STXBP5L: variants seen among roughly 807,000 people sequenced by gnomAD.
STXBP5L encodes syntaxin-binding protein 5-like.
Under a neutral mutation model 144.5 loss-of-function variants are expected in STXBP5L, and 65 were observed. That is an observed-to-expected ratio of 0.45 (90% CI 0.37 to 0.55). The LOEUF is 0.55. Ranked by LOEUF, STXBP5L falls within the 20% of genes least tolerant of loss-of-function variation. The probability of loss-of-function intolerance (pLI) is 0.00; values close to 1 mark genes in which losing one functional copy is unlikely to be tolerated. For missense variants in STXBP5L, 1,298 were observed against 1,405.5 expected (o/e 0.92, Z 1.22); for synonymous variants, 505 against 469.6 (o/e 1.08, Z -0.97).
chr3:120,992,997 C>G (rs1421875879), intron 3 of STXBP5L, among the ~76,000 whole-genome samples: 2 of 152,074 alleles, frequency 1.3e-5, no homozygotes, highest in Non-Finnish European at 1.5e-5. Context: ...GACATTTTAA[C>G]TGGAGTAAGA....
At chr3:121,312,714 C>T (rs957386115) in intron 19 of STXBP5L, among the ~76,000 whole-genome samples, 23 of 151,512 alleles carry the variant, frequency 1.5e-4, no homozygotes, top group Middle Eastern at 3.4e-3. Context: ...CATCTTGCAC[C>T]GCCCTTAATC....
At chr3:121,241,011 A>G (rs923393488) in intron 14 of STXBP5L, among the ~76,000 whole-genome samples, 9 of 152,338 alleles carry the variant, frequency 5.9e-5, no homozygotes, top group African/African-American at 2.2e-4. Context: ...GGGATCTGCT[A>G]ATGGGAAGAT....
intron 3 of STXBP5L, among the ~76,000 whole-genome samples, chr3:121,004,683 G>T (rs1026986828): frequency 1.3e-5 from 2 of 152,208 alleles, no homozygotes; most frequent in African/African-American, 4.8e-5. Flanking sequence ...TATTGGCTGT[G>T]GGTTTGTCAT....
At chr3:121,147,698 T>C (rs899784013) in intron 7 of STXBP5L, among the ~76,000 whole-genome samples, 3 of 152,128 alleles carry the variant, frequency 2.0e-5, no homozygotes, top group African/African-American at 7.2e-5. Flanking sequence ...TAGGTGAGGA[T>C]GTTTTGGTTG....
chr3:121,258,988 A>G, intron 17 of STXBP5L, 55 bp from the exon 18 acceptor site: 1 of 1,468,244 alleles, frequency 6.8e-7, no homozygotes. Flanking sequence ...TCTCAAGATA[A>G]GTTTGACCAT....
intron 9 of STXBP5L, among the ~76,000 whole-genome samples, chr3:121,171,645 A>T (rs561071605): frequency 3.6e-4 from 55 of 152,326 alleles, no homozygotes; most frequent in Non-Finnish European, 6.5e-4. Flanking sequence ...CTTACAAGGG[A>T]TGTGTAAGAC....
At chr3:121,418,266 G>A in intron 25 of STXBP5L, 71 bp from the exon 26 acceptor site, 1 of 1,484,074 alleles carries the variant, frequency 6.7e-7, no homozygotes, top group Non-Finnish European at 9.1e-7. Context: ...CTAGTACTTT[G>A]TCTTGGTGAC....
At chr3:121,060,428 A>T (rs529272068) in intron 5 of STXBP5L, among the ~76,000 whole-genome samples, 1 of 152,162 alleles carries the variant, frequency 6.6e-6, no homozygotes, top group Admixed American at 6.5e-5. Context: ...TTGGCCTGAA[A>T]TTTTCCTTGT....
In STXBP5L at chr3:121,074,967, G is replaced by A. The variant is rs569489127; in HGVS notation, c.470+29432G>A. 1.2e-4 allele frequency among the ~76,000 whole-genome samples: 19 copies of A among 152,244 alleles called. 1 individual carries two copies. The South Asian group carries it at 3.9e-3, about 32-fold the overall frequency. ...ATAATTTTTAGACAATGGCCCAATC[G>A]CTTGAGTTACTCCTGAGTGCTCTGC... On this transcript the variant is annotated intron_variant, in intron 5 of 26. Transcript: ENST00000471454.
At position 121,053,326 on chromosome 3, in the gene STXBP5L, C is replaced by A. The variant is rs180983376; in HGVS notation, c.470+7791C>A. ...AGAACAAAGTCGGAGGCATCACACT[C>A]CCTGATTTCAAACTATACTACAAGG... is the stretch of plus-strand genomic sequence containing the variant. On this transcript the variant is annotated intron_variant, in intron 5 of 26. Coordinates refer to ENST00000471454, the MANE Select transcript of STXBP5L (RefSeq NM_001308330.2). Among the ~76,000 whole-genome samples the A allele has an allele frequency of 5.2e-3, 792 of 152,184 alleles. 7 individuals are homozygous for A. Among genetic ancestry groups the A allele is most frequent in the African/African-American group, 9.4e-3 (389 of 41,526 alleles).
At chr3:120,983,225 C>G (rs1312301497) in intron 3 of STXBP5L, among the ~76,000 whole-genome samples, 1 of 152,014 alleles carries the variant, frequency 6.6e-6, no homozygotes, top group Non-Finnish European at 1.5e-5. Flanking sequence ...TCTGGCCTCT[C>G]AGAGTGGTGC....
At chr3:121,112,977 A>G (rs1052271681) in intron 5 of STXBP5L, among the ~76,000 whole-genome samples, 3 of 152,124 alleles carry the variant, frequency 2.0e-5, no homozygotes, top group Non-Finnish European at 4.4e-5. Flanking sequence ...GGGGGGGTTC[A>G]GTTAAAACCT....
chr3:121,003,542 A>T (rs1488884182), intron 3 of STXBP5L, among the ~76,000 whole-genome samples: 4 of 152,100 alleles, frequency 2.6e-5, no homozygotes, highest in African/African-American at 9.7e-5. Context: ...GCTGTGCAGA[A>T]GCTCTTTAGT....
At chr3:120,969,658 G>C (rs1683974) in intron 3 of STXBP5L, among the ~76,000 whole-genome samples, 1 of 151,888 alleles carries the variant, frequency 6.6e-6, no homozygotes, top group African/African-American at 2.4e-5. Flanking sequence ...TTATCTTGTA[G>C]AATTTTTATC....
In STXBP5L at chr3:121,303,795, A is replaced by G. The variant is rs536537161; in HGVS notation, c.2111-14680A>G. 2.4e-3 allele frequency among the ~76,000 whole-genome samples: 367 copies of G among 151,982 alleles called. 2 individuals are homozygous for G. The highest frequency in any genetic ancestry group is 8.5e-3 in the African/African-American group (351 of 41,458). Reference sequence around the variant, plus strand: ...TCGCAAGGACAAAAAACCAAACACTACATATTCTCACTCATAGGTGGGAAT... The same window carrying G: ...TCGCAAGGACAAAAAACCAAACACTGCATATTCTCACTCATAGGTGGGAAT... On this transcript the variant is annotated intron_variant, in intron 19 of 26. Transcript: ENST00000471454.
At chr3:120,998,030 G>T (rs955529075) in intron 3 of STXBP5L, among the ~76,000 whole-genome samples, 1 of 152,022 alleles carries the variant, frequency 6.6e-6, no homozygotes, top group Non-Finnish European at 1.5e-5. Flanking sequence ...TACAATTCAA[G>T]ATCCCTTCAT....
At chr3:121,209,823 A>G (rs1431436688) in intron 10 of STXBP5L, among the ~76,000 whole-genome samples, 1 of 152,188 alleles carries the variant, frequency 6.6e-6, no homozygotes, top group African/African-American at 2.4e-5. Context: ...TTCTTAATCC[A>G]GTCTATCACT....
chr3:121,058,589 C>T (rs929456751), intron 5 of STXBP5L, among the ~76,000 whole-genome samples: 2 of 152,218 alleles, frequency 1.3e-5, no homozygotes, highest in South Asian at 2.1e-4. Flanking sequence ...TACACTCCCA[C>T]CAACAGTGTA....
chr3:121,351,138 G>A (rs910057605), intron 20 of STXBP5L, among the ~76,000 whole-genome samples: 1 of 152,062 alleles, frequency 6.6e-6, no homozygotes, highest in Admixed American at 6.6e-5. Context: ...TGGAGTTTTG[G>A]TGTGGATGTC....
Sources: allele counts gnomAD v4.1 joint callset (sites outside exome capture counted in the v4.1 genomes callset), GRCh38; gene constraint gnomAD v4.1.1; transcripts MANE v1.5; gene names NCBI Gene and HGNC (gene_info 2026-07-23, HGNC 2026-07-21).